The following HDGFL3 variants were observed in gnomAD, a reference collection of about 807,000 sequenced individuals.
HDGFL3 encodes the protein hepatoma-derived growth factor-related protein 3.
In HDGFL3, 6 loss-of-function variants were observed where a neutral mutation model predicts 27.6. That is an observed-to-expected ratio of 0.22 (90% CI 0.12 to 0.43). HDGFL3 has a LOEUF of 0.43. Among genes scored for constraint, HDGFL3 ranks in the 20% least tolerant of loss-of-function variants. HDGFL3 has a pLI of 1.00. For synonymous variants in HDGFL3, 88 were observed against 88.9 expected, an observed-to-expected ratio of 0.99 and a Z score of 0.05; for missense variants, 207 against 250.1, an observed-to-expected ratio of 0.83 and a Z score of 1.16.
intron 1 of HDGFL3, among the ~76,000 whole-genome samples, chr15:83,167,158 G>T (rs186205551): frequency 6.6e-6 from 1 of 152,124 alleles, no homozygotes; most frequent in East Asian, 1.9e-4. Context: ...CCATAAGCTC[G>T]AACTAAAGGT....
chr15:83,180,019 G>A (rs1329389409), intron 1 of HDGFL3, among the ~76,000 whole-genome samples: 2 of 152,056 alleles, frequency 1.3e-5, no homozygotes, highest in Non-Finnish European at 2.9e-5. Context: ...GCGGGGGGCA[G>A]AGGGAGGTGG....
intron 4 of HDGFL3, among the ~76,000 whole-genome samples, chr15:83,156,088 G>C (rs1462375687): frequency 6.6e-6 from 1 of 152,006 alleles, no homozygotes; most frequent in East Asian, 1.9e-4. Flanking sequence ...GCATAATTAG[G>C]CCTTTGCCAG....
In HDGFL3 at chr15:83,134,848, A is replaced by G. The variant is rs1048237033; in HGVS notation, c.*4422T>C. ...AACACTATTATTCAAAACAGGCCCT[A>G]AGGAAAAACAGTATGGGAGCCATGC... is the stretch of plus-strand genomic sequence containing the variant. On this transcript the variant is annotated 3_prime_UTR_variant, in exon 6 of 6. Transcript: ENST00000299633. The G allele has an allele frequency of 1.5e-4, 23 of 152,236 alleles. No homozygotes were observed. The highest frequency in any genetic ancestry group is 1.4e-3 in the Admixed American group (22 of 15,284). The allele number at this position is 152,236 out of a possible 1,614,324, so 9.4% of individuals were successfully genotyped here.
chr15:83,120,589 T>C (rs79087937), intron 3 of HDGFL3, among the ~76,000 whole-genome samples: 1 of 144,320 alleles, frequency 6.9e-6, no homozygotes, highest in African/African-American at 2.5e-5. Flanking sequence ...AGCTAATTCT[T>C]TTTTTTTTTT....
At chr15:83,166,811 C>A (rs2037176672) in intron 1 of HDGFL3, among the ~76,000 whole-genome samples, 1 of 152,176 alleles carries the variant, frequency 6.6e-6, no homozygotes, top group Non-Finnish European at 1.5e-5. Flanking sequence ...GTGCTACACA[C>A]TTTTAAAGAA....
At chr15:83,192,923 T>G (rs1013258805) in intron 1 of HDGFL3, among the ~76,000 whole-genome samples, 1 of 152,222 alleles carries the variant, frequency 6.6e-6, no homozygotes, top group Non-Finnish European at 1.5e-5. Flanking sequence ...GGCAAACTTC[T>G]GAGGTTTGTC....
intron 1 of HDGFL3, among the ~76,000 whole-genome samples, chr15:83,169,753 T>C (rs1350821544): frequency 1.3e-5 from 2 of 151,978 alleles, no homozygotes; most frequent in East Asian, 3.9e-4. Context: ...TAAGCCGAGA[T>C]TGCATCACTG....
intron 4 of HDGFL3, among the ~76,000 whole-genome samples, chr15:83,155,201 A>C (rs549319914): frequency 3.9e-5 from 6 of 152,262 alleles, no homozygotes; most frequent in Non-Finnish European, 8.8e-5. Flanking sequence ...TGTAATCTTC[A>C]AGGAAAGCAA....
At chr15:83,195,380 A>T (rs954075252) in intron 1 of HDGFL3, among the ~76,000 whole-genome samples, 1 of 152,088 alleles carries the variant, frequency 6.6e-6, no homozygotes, top group African/African-American at 2.4e-5. Flanking sequence ...TTGATTGCTA[A>T]ATGTAATAGT....
chr15:83,201,781 C>T (rs1424808552), intron 1 of HDGFL3, among the ~76,000 whole-genome samples: 1 of 152,042 alleles, frequency 6.6e-6, no homozygotes, highest in African/African-American at 2.4e-5. Context: ...ACGGGAGCAT[C>T]GGAAAATGAA....
intron 1 of HDGFL3, among the ~76,000 whole-genome samples, chr15:83,187,287 C>T (rs2037455188): frequency 1.3e-5 from 2 of 151,970 alleles, no homozygotes; most frequent in Non-Finnish European, 2.9e-5. Context: ...ATGCTTTTCT[C>T]CATGTTCATA....
At chr15:83,145,978 T>G (rs1370062018) in intron 5 of HDGFL3, among the ~76,000 whole-genome samples, 1 of 135,626 alleles carries the variant, frequency 7.4e-6, no homozygotes, top group Non-Finnish European at 1.6e-5. Context: ...TGGCTCGATC[T>G]TGGCTCACTG....
At chr15:83,169,249 T>A (rs1320781531) in intron 1 of HDGFL3, 2 of 442,470 alleles carry the variant, frequency 4.5e-6, no homozygotes, top group Non-Finnish European at 9.1e-6. Context: ...AACATAGTAC[T>A]GGAATGCCAG....
At chr15:83,183,062 C>T (rs1319554960) in intron 1 of HDGFL3, among the ~76,000 whole-genome samples, 3 of 152,160 alleles carry the variant, frequency 2.0e-5, no homozygotes, top group Admixed American at 2.0e-4. Context: ...CTAGTGTTAA[C>T]AAATTGGCTA....
chr15:83,126,864 G>A (rs770527747), downstream of HDGFL3: 3 of 1,578,548 alleles, frequency 1.9e-6, no homozygotes, highest in African/African-American at 1.4e-5. Flanking sequence ...TAGTTATGAA[G>A]CCTAAGATTT....
intron 1 of HDGFL3, among the ~76,000 whole-genome samples, chr15:83,189,739 A>G (rs1337676415): frequency 1.3e-5 from 2 of 152,184 alleles, no homozygotes; most frequent in Non-Finnish European, 2.9e-5. Context: ...TCTGGCATAC[A>G]GTGGGAATTC....
chr15:83,169,316 G>A (rs897506534), intron 1 of HDGFL3: 1 of 365,918 alleles, frequency 2.7e-6, no homozygotes, highest in Non-Finnish European at 5.5e-6. Flanking sequence ...AAGAAAAGAA[G>A]TCGCAGGAGA....
At chr15:83,175,404 C>T (rs985391229) in intron 1 of HDGFL3, among the ~76,000 whole-genome samples, 3 of 152,352 alleles carry the variant, frequency 2.0e-5, no homozygotes, top group Admixed American at 6.5e-5. Flanking sequence ...AGTATCTACA[C>T]TTTCCTAAGC....
rs1346448726 is a variant in HDGFL3 at position 83,133,109 on chromosome 15, C to G, written c.*6161G>C. On this transcript the variant is annotated 3_prime_UTR_variant, in exon 6 of 6. Transcript: ENST00000299633. The stretch of plus-strand genomic sequence containing the variant: ...AACCTATGAGGTGGGTTCCACACCT[C>G]ACCCGAGGCCATACGGCTGGTTTGT... The G allele has an allele frequency of 6.6e-6, 1 of 152,250 alleles. No homozygotes were observed. The highest frequency in any genetic ancestry group is 2.4e-5 in the African/African-American group (1 of 41,452). 9.4% of individuals were successfully genotyped at this position (152,250 alleles called of 1,614,324 possible).
Sources: allele counts gnomAD v4.1 joint callset (sites outside exome capture counted in the v4.1 genomes callset), GRCh38; gene constraint gnomAD v4.1.1; transcripts MANE v1.5; gene names NCBI Gene and HGNC (gene_info 2026-07-23, HGNC 2026-07-21).